Variants in KCNK2 observed in about 807,000 individuals in gnomAD.
KCNK2 encodes potassium channel subfamily K member 2.
A neutral mutation model predicts 40.5 loss-of-function variants in KCNK2; 21 were observed. The observed-to-expected ratio is 0.52, with a 90% CI of 0.37 to 0.75. KCNK2 has a LOEUF of 0.75. Among genes scored for constraint, KCNK2 ranks in the 30% least tolerant of loss-of-function variants. The probability of loss-of-function intolerance (pLI) is 0.00; values close to 1 mark genes in which losing one functional copy is unlikely to be tolerated. For missense variants in KCNK2, 399 were observed against 531.6 expected, an observed-to-expected ratio of 0.75 and a Z score of 2.45; for synonymous variants, 191 against 202.2, an observed-to-expected ratio of 0.94 and a Z score of 0.47.
At chr1:215,093,525 T>G (rs1250393875) in intron 2 of KCNK2, among the ~76,000 whole-genome samples, 6 of 112,898 alleles carry the variant, frequency 5.3e-5, no homozygotes, top group Non-Finnish European at 9.9e-5. Flanking sequence ...AGGATATATA[T>G]AATATAGAAT....
At chr1:215,094,661 T>C (rs977639383) in intron 2 of KCNK2, among the ~76,000 whole-genome samples, 1 of 152,224 alleles carries the variant, frequency 6.6e-6, no homozygotes, top group Non-Finnish European at 1.5e-5. Flanking sequence ...GACATTTTCA[T>C]GTACTATTTA....
At chr1:215,209,495 A>T (rs906678023) in intron 6 of KCNK2, among the ~76,000 whole-genome samples, 1 of 4,040 alleles carries the variant, frequency 2.5e-4, no homozygotes, top group Admixed American at 6.3e-3. Flanking sequence ...ATACATATAT[A>T]TAATATATAA....
chr1:215,025,140 C>T (rs1656958385), intron 1 of KCNK2, among the ~76,000 whole-genome samples: 1 of 151,980 alleles, frequency 6.6e-6, no homozygotes, highest in Non-Finnish European at 1.5e-5. Context: ...AATCATGTAA[C>T]TCTTCATAAA....
chr1:215,020,840 A>G (rs1249976224), intron 1 of KCNK2, among the ~76,000 whole-genome samples: 2 of 152,206 alleles, frequency 1.3e-5, no homozygotes, highest in African/African-American at 4.8e-5. Context: ...TTCTCGCCAT[A>G]TACTGTCAGA....
chr1:215,154,452 T>C (rs1662821752), intron 3 of KCNK2, among the ~76,000 whole-genome samples: 1 of 152,086 alleles, frequency 6.6e-6, no homozygotes, highest in South Asian at 2.1e-4. Flanking sequence ...GTAAATTTGT[T>C]TAAGTTCATT....
chr1:215,061,321 A>G (rs993486021), intron 1 of KCNK2, among the ~76,000 whole-genome samples: 9 of 152,178 alleles, frequency 5.9e-5, no homozygotes, highest in Non-Finnish European at 1.2e-4. Context: ...ATGTAAAAAA[A>G]AAAATCAAGT....
At chr1:215,152,833 G>T (rs1662741202) in intron 3 of KCNK2, among the ~76,000 whole-genome samples, 1 of 150,490 alleles carries the variant, frequency 6.6e-6, no homozygotes, top group African/African-American at 2.5e-5. Context: ...CACATGTTTA[G>T]TCAGAGTTAC....
At chr1:215,025,760 G>T (rs1656979995) in intron 1 of KCNK2, among the ~76,000 whole-genome samples, 1 of 151,960 alleles carries the variant, frequency 6.6e-6, no homozygotes, top group Non-Finnish European at 1.5e-5. Flanking sequence ...GATTACCGTG[G>T]TTTATTCCTT....
At chr1:215,149,893 G>T (rs61818336) in intron 3 of KCNK2, among the ~76,000 whole-genome samples, 6,267 of 152,286 alleles carry the variant, frequency 0.041, 180 homozygotes, top group Admixed American at 0.077. Context: ...GAGACTGCCT[G>T]AGTAGAATGA....
intron 1 of KCNK2, among the ~76,000 whole-genome samples, chr1:215,065,997 C>T (rs558041203): frequency 6.6e-6 from 1 of 152,260 alleles, no homozygotes; most frequent in South Asian, 2.1e-4. Flanking sequence ...CCATCATTCT[C>T]AGCAAACTAT....
At chr1:215,149,610 A>C (rs537202598) in intron 3 of KCNK2, among the ~76,000 whole-genome samples, 1 of 152,230 alleles carries the variant, frequency 6.6e-6, no homozygotes, top group Non-Finnish European at 1.5e-5. Context: ...ACTCTGAATT[A>C]CTAAAGGGAG....
chr1:215,065,925 G>T (rs144824736), intron 1 of KCNK2, among the ~76,000 whole-genome samples: 105 of 152,278 alleles, frequency 6.9e-4, no homozygotes, highest in African/African-American at 1.9e-3. Flanking sequence ...GAGCCTAGAA[G>T]TTTGAGTCCA....
chr1:215,038,190 T>C (rs1338889464), intron 1 of KCNK2, among the ~76,000 whole-genome samples: 1 of 152,062 alleles, frequency 6.6e-6, no homozygotes, highest in African/African-American at 2.4e-5. Flanking sequence ...CATTGTAGAC[T>C]CACCAGTCCC....
At chr1:215,024,179 G>A (rs1656914804) in intron 1 of KCNK2, among the ~76,000 whole-genome samples, 2 of 152,324 alleles carry the variant, frequency 1.3e-5, no homozygotes, top group East Asian at 3.9e-4. Flanking sequence ...ACACCCTGTG[G>A]ACTCACTGGA....
At chr1:215,138,188 A>G (rs1287690750) in intron 3 of KCNK2, among the ~76,000 whole-genome samples, 2 of 152,324 alleles carry the variant, frequency 1.3e-5, no homozygotes, top group African/African-American at 4.8e-5. Context: ...AGGGAAATGT[A>G]TTTCTAAAAA....
At chr1:215,043,814 T>TA (rs1657649114) in intron 1 of KCNK2, among the ~76,000 whole-genome samples, 1 of 152,212 alleles carries the variant, frequency 6.6e-6, no homozygotes, top group Non-Finnish European at 1.5e-5. Flanking sequence ...ATATATATTT[T>TA]ACCACAATAA....
intron 1 of KCNK2, among the ~76,000 whole-genome samples, chr1:215,024,644 C>T (rs184426987): frequency 5.3e-5 from 8 of 152,188 alleles, no homozygotes. Context: ...CTTTTCATGC[C>T]TGAAATTCCC....
chr1:215,064,216 T>C (rs1454446569), intron 1 of KCNK2, among the ~76,000 whole-genome samples: 1 of 152,198 alleles, frequency 6.6e-6, no homozygotes, highest in East Asian at 1.9e-4. Context: ...AGTACTGCTT[T>C]TACCTGTAAC....
chr1:215,136,731 A>T (rs1271223808), intron 3 of KCNK2, among the ~76,000 whole-genome samples: 1 of 152,148 alleles, frequency 6.6e-6, no homozygotes, highest in Non-Finnish European at 1.5e-5. Context: ...CGGCTGATAA[A>T]GCTTTATACA....
Sources: allele counts gnomAD v4.1 joint callset (sites outside exome capture counted in the v4.1 genomes callset), GRCh38; gene constraint gnomAD v4.1.1; transcripts MANE v1.5; gene names NCBI Gene and HGNC (gene_info 2026-07-23, HGNC 2026-07-21).